Variants in OPCML observed in about 807,000 individuals in gnomAD.
OPCML encodes opioid binding protein/cell adhesion molecule like.
OPCML carries 13 observed loss-of-function variants against 37.8 expected under a neutral mutation model. The ratio of observed to expected loss-of-function variants is 0.34; its 90% CI spans 0.22 to 0.55. The LOEUF is 0.55. Ranked by LOEUF, OPCML falls within the 20% of genes least tolerant of loss-of-function variation. The pLI is 0.91. For missense variants in OPCML, 341 were observed against 435.6 expected, an observed-to-expected ratio of 0.78 and a Z score of 1.93; for synonymous variants, 176 against 168.8, an observed-to-expected ratio of 1.04 and a Z score of -0.33.
In OPCML at chr11:133,177,212, G is replaced by C. The variant is rs1937615201; in HGVS notation, c.62-234202C>G. The stretch of plus-strand genomic sequence containing the variant: ...GCTCAGGGCACAGCAACGTGTGTCT[G>C]TGTGCCTGTTGATAGCGTCTGATCC... On this transcript the variant is annotated intron_variant, in intron 1 of 7. Transcript: ENST00000524381. This position sits in a 1 kb window ranked among gnomAD's most constrained non-coding sequence, Gnocchi z 5.0. 1.3e-5 allele frequency among the ~76,000 whole-genome samples: 2 copies of C among 152,258 alleles called. No individual in the cohort carries two copies. Among genetic ancestry groups the C allele is most frequent in the South Asian group, 2.1e-4 (1 of 4,838 alleles).
intron 4 of OPCML, among the ~76,000 whole-genome samples, chr11:132,457,863 A>C (rs184254907): frequency 2.0e-5 from 3 of 152,338 alleles, no homozygotes; most frequent in Non-Finnish European, 4.4e-5. Context: ...TCATTCAACA[A>C]ATATCAGCTA....
rs899707974 is a variant in OPCML at position 133,208,535 on chromosome 11, T to C, written c.62-265525A>G. On this transcript the variant is annotated intron_variant, in intron 1 of 7. Coordinates refer to ENST00000524381, the MANE Select transcript of OPCML (RefSeq NM_001012393.5). This position sits in a 1 kb window ranked among gnomAD's most constrained non-coding sequence, Gnocchi z 8.9. ...AAGTATGTCAGTAGGGCATCGTAAA[T>C]ATAATTCCAATGCTGGCTATCCACA... is the stretch of plus-strand genomic sequence containing the variant. 3.1e-4 allele frequency among the ~76,000 whole-genome samples: 47 copies of C among 152,322 alleles called. 1 individual carries two copies. The highest frequency in any genetic ancestry group is 2.5e-3 in the Admixed American group (38 of 15,298).
chr11:132,624,205 G>A lies in OPCML; in HGVS notation c.379+32882C>T, dbSNP rs1047259808. 3.3e-5 allele frequency among the ~76,000 whole-genome samples: 5 copies of A among 152,086 alleles called. 1 individual carries two copies. Among genetic ancestry groups the A allele is most frequent in the Non-Finnish European group, 7.4e-5 (5 of 68,016 alleles). On this transcript the variant is annotated intron_variant, in intron 3 of 7. Transcript: ENST00000524381. ...TAATAACCTTATGGTTTAAATAAAG[G>A]CAACTGTAGGCAAATGCATTCAGCA...
intron 2 of OPCML, among the ~76,000 whole-genome samples, chr11:132,845,134 T>G (rs1275573099): frequency 6.6e-6 from 1 of 152,134 alleles, no homozygotes; most frequent in Admixed American, 6.5e-5. Flanking sequence ...AGCAGATCAC[T>G]GTAATTTGAC....
intron 3 of OPCML, among the ~76,000 whole-genome samples, chr11:132,615,413 G>A (rs1418388267): frequency 1.3e-5 from 2 of 152,130 alleles, no homozygotes; most frequent in African/African-American, 4.8e-5. Flanking sequence ...TTTCCTCAAG[G>A]CATCAAGGTG....
intron 1 of OPCML, among the ~76,000 whole-genome samples, chr11:133,501,222 C>T (rs1023965533): frequency 6.6e-6 from 1 of 152,208 alleles, no homozygotes; most frequent in Non-Finnish European, 1.5e-5. Context: ...ACGCTGTCCA[C>T]AGGCAACGCA....
chr11:133,418,127 C>A, intron 1 of OPCML: 1 of 985,312 alleles, frequency 1.0e-6, no homozygotes, highest in African/African-American at 1.7e-5. Context: ...GGCGTGAAGT[C>A]GAAGACAGCA....
chr11:133,328,641 G>A (rs567754301), intron 1 of OPCML, among the ~76,000 whole-genome samples: 49 of 152,184 alleles, frequency 3.2e-4, no homozygotes, highest in African/African-American at 1.0e-3. Flanking sequence ...CCCTATCCTC[G>A]ACTAGCTCAC....
chr11:132,971,422 T>C (rs1286191173), intron 1 of OPCML, among the ~76,000 whole-genome samples: 1 of 152,200 alleles, frequency 6.6e-6, no homozygotes, highest in East Asian at 1.9e-4. Flanking sequence ...GCGCGAGTCT[T>C]CAAGCTCCCT....
At chr11:132,541,905 TG>T (rs1271150405) in intron 3 of OPCML, among the ~76,000 whole-genome samples, 1 of 152,182 alleles carries the variant, frequency 6.6e-6, no homozygotes, top group African/African-American at 2.4e-5. Context: ...TTGCAAGGTT[TG>T]GAACAGAAGT....
chr11:133,000,198 C>G (rs575746033), intron 1 of OPCML, among the ~76,000 whole-genome samples: 1 of 152,008 alleles, frequency 6.6e-6, no homozygotes, highest in Non-Finnish European at 1.5e-5. Context: ...CTACAACTTC[C>G]GCCTCCCAGG....
chr11:133,304,124 T>C (rs1479312727), intron 1 of OPCML, among the ~76,000 whole-genome samples: 1 of 152,196 alleles, frequency 6.6e-6, no homozygotes, highest in Non-Finnish European at 1.5e-5. Flanking sequence ...GGGAATACAG[T>C]GCTCTACATG....
intron 2 of OPCML, among the ~76,000 whole-genome samples, chr11:132,693,388 G>A (rs913371815): frequency 5.9e-5 from 9 of 152,080 alleles, no homozygotes; most frequent in Non-Finnish European, 7.4e-5. Flanking sequence ...TTTGCTTTGG[G>A]AAACACCTAA....
chr11:133,246,017 C>T (rs1044017949), intron 1 of OPCML, among the ~76,000 whole-genome samples: 1 of 151,160 alleles, frequency 6.6e-6, no homozygotes, highest in Non-Finnish European at 1.5e-5. Flanking sequence ...GCATGTGGGG[C>T]TTAAAACCTA....
chr11:133,054,146 C>A (rs931614308), intron 1 of OPCML, among the ~76,000 whole-genome samples: 1 of 152,164 alleles, frequency 6.6e-6, no homozygotes, highest in Non-Finnish European at 1.5e-5. Flanking sequence ...CCACCTTTCC[C>A]ACCTGAGTCC....
intron 1 of OPCML, among the ~76,000 whole-genome samples, chr11:133,198,890 A>T (rs944762094): frequency 7.9e-4 from 121 of 152,334 alleles, no homozygotes; most frequent in African/African-American, 2.7e-3. Context: ...CTTCTAATAC[A>T]GATAGTATAT....
chr11:132,768,492 C>T (rs185303893), intron 2 of OPCML, among the ~76,000 whole-genome samples: 2 of 151,844 alleles, frequency 1.3e-5, no homozygotes, highest in East Asian at 3.9e-4. Flanking sequence ...GGGTACTGTC[C>T]ATTAAAATAA....
intron 2 of OPCML, among the ~76,000 whole-genome samples, chr11:132,890,517 A>G (rs1943598570): frequency 6.6e-6 from 1 of 152,118 alleles, no homozygotes; most frequent in Non-Finnish European, 1.5e-5. Context: ...GAGGTTACAA[A>G]GATACATACA....
intron 2 of OPCML, among the ~76,000 whole-genome samples, chr11:132,747,251 G>A (rs999733142): frequency 6.6e-6 from 1 of 152,126 alleles, no homozygotes; most frequent in Non-Finnish European, 1.5e-5. Context: ...TTGGCCTAGG[G>A]TTTTCAGAGG....
Sources: allele counts gnomAD v4.1 joint callset (sites outside exome capture counted in the v4.1 genomes callset), GRCh38; gene constraint gnomAD v4.1.1; non-coding constraint Gnocchi (gnomAD v3.1); transcripts MANE v1.5; gene names NCBI Gene and HGNC (gene_info 2026-07-23, HGNC 2026-07-21).